MSRB3: variants seen among roughly 807,000 people sequenced by gnomAD.
The protein encoded by MSRB3 is methionine-R-sulfoxide reductase B3.
Under a neutral mutation model 21.0 loss-of-function variants are expected in MSRB3, and 13 were observed. That is an observed-to-expected ratio of 0.62 (90% CI 0.40 to 0.98). The LOEUF is 0.98. MSRB3 is among the 50% of genes least tolerant of loss of function. The pLI, the probability that MSRB3 is intolerant of heterozygous loss-of-function variation, is 0.00. For synonymous variants in MSRB3, 87 were observed against 88.6 expected, an observed-to-expected ratio of 0.98 and a Z score of 0.10; for missense variants, 199 against 230.3, an observed-to-expected ratio of 0.86 and a Z score of 0.88.
chr12:65,404,016 C>T (rs7295395), intron 5 of MSRB3, among the ~76,000 whole-genome samples: 99,459 of 152,092 alleles, frequency 0.65, 32,652 homozygotes, highest in Admixed American at 0.72. Flanking sequence ...GCATTGATCT[C>T]GCTGGAAGCT....
chr12:65,402,601 A>G (rs1294176050), intron 5 of MSRB3, among the ~76,000 whole-genome samples: 3 of 152,176 alleles, frequency 2.0e-5, no homozygotes, highest in African/African-American at 7.2e-5. Context: ...CCACCTTCTG[A>G]AGCCTACTTC....
chr12:65,439,848 A>G (rs1882290397), intron 5 of MSRB3, among the ~76,000 whole-genome samples: 1 of 151,788 alleles, frequency 6.6e-6, no homozygotes, highest in South Asian at 2.1e-4. Context: ...TCAAAAAAAT[A>G]GATTAACTCA....
intron 4 of MSRB3, among the ~76,000 whole-genome samples, chr12:65,331,472 A>G (rs939282851): frequency 2.0e-5 from 3 of 152,140 alleles, no homozygotes; most frequent in Non-Finnish European, 4.4e-5. Flanking sequence ...TTGCCACTAA[A>G]CAGCAGAGAA....
At chr12:65,302,239 G>C (rs1449597244) in intron 1 of MSRB3, among the ~76,000 whole-genome samples, 2 of 152,086 alleles carry the variant, frequency 1.3e-5, no homozygotes, top group Non-Finnish European at 2.9e-5. Flanking sequence ...CCAAAAGTTT[G>C]AGAATGGGTA....
At chr12:65,433,849 C>T (rs1469545259) in intron 5 of MSRB3, among the ~76,000 whole-genome samples, 1 of 151,864 alleles carries the variant, frequency 6.6e-6, no homozygotes, top group African/African-American at 2.4e-5. Context: ...AGAGACGACC[C>T]ATTCCACTTG....
At chr12:65,396,321 C>T (rs762596830) in intron 5 of MSRB3, among the ~76,000 whole-genome samples, 14 of 152,214 alleles carry the variant, frequency 9.2e-5, no homozygotes, top group African/African-American at 1.9e-4. Context: ...GCTATCTTTC[C>T]GTTATTGATT....
At chr12:65,282,676 G>GTTTTTTTTTTTTTTT (rs796149617) in intron 1 of MSRB3, among the ~76,000 whole-genome samples, 5 of 133,770 alleles carry the variant, frequency 3.7e-5, no homozygotes, top group Non-Finnish European at 4.8e-5. Context: ...CTTTGCTGGT[G>GTTTTTTTTTTTTTTT]TTTTTTTTTT....
intron 4 of MSRB3, among the ~76,000 whole-genome samples, chr12:65,352,685 G>A (rs1877097383): frequency 6.6e-6 from 1 of 151,764 alleles, no homozygotes; most frequent in South Asian, 2.1e-4. Flanking sequence ...CAAACAGAGA[G>A]CCAAATTATG....
intron 6 of MSRB3, among the ~76,000 whole-genome samples, chr12:65,456,116 G>T (rs1304104829): frequency 1.3e-5 from 2 of 152,132 alleles, no homozygotes; most frequent in African/African-American, 4.8e-5. Flanking sequence ...AAGTAGGATG[G>T]CTTACATTAA....
intron 5 of MSRB3, among the ~76,000 whole-genome samples, chr12:65,429,317 C>G (rs1415022323): frequency 1.3e-5 from 2 of 152,086 alleles, no homozygotes; most frequent in Non-Finnish European, 2.9e-5. Flanking sequence ...GAGGTGATAT[C>G]TGAGCCAAGG....
intron 4 of MSRB3, among the ~76,000 whole-genome samples, chr12:65,352,033 T>C (rs564960311): frequency 0.09 from 13,615 of 151,552 alleles, 2,127 homozygotes; most frequent in African/African-American, 0.32. Flanking sequence ...TAGACCAATA[T>C]CCTTGATGAA....
At chr12:65,287,354 C>T (rs141452000) in intron 1 of MSRB3, among the ~76,000 whole-genome samples, 4 of 152,192 alleles carry the variant, frequency 2.6e-5, no homozygotes, top group East Asian at 3.9e-4. Context: ...TCTTGAACTC[C>T]TGGACTTAAG....
intron 4 of MSRB3, among the ~76,000 whole-genome samples, chr12:65,340,260 A>G (rs1034160715): frequency 6.6e-6 from 1 of 152,174 alleles, no homozygotes; most frequent in Non-Finnish European, 1.5e-5. Context: ...CACACAAGAA[A>G]GTAGGACTGG....
intron 5 of MSRB3, among the ~76,000 whole-genome samples, chr12:65,414,516 C>G (rs1465483009): frequency 6.6e-6 from 1 of 152,190 alleles, no homozygotes; most frequent in African/African-American, 2.4e-5. Flanking sequence ...GTATTCAGTA[C>G]AGCAACATGC....
At chr12:65,396,027 C>A (rs1338107769) in intron 5 of MSRB3, among the ~76,000 whole-genome samples, 9 of 151,452 alleles carry the variant, frequency 5.9e-5, no homozygotes, top group African/African-American at 1.9e-4. Context: ...AATTTTTTTT[C>A]TTTTCTTTTG....
chr12:65,375,401 T>C (rs1023289313), intron 5 of MSRB3, among the ~76,000 whole-genome samples: 43 of 152,312 alleles, frequency 2.8e-4, no homozygotes, highest in African/African-American at 9.6e-4. Context: ...ATTTCCTTCA[T>C]TGGAGCTTTA....
At chr12:65,352,884 A>G (rs1330117777) in intron 4 of MSRB3, among the ~76,000 whole-genome samples, 2 of 151,742 alleles carry the variant, frequency 1.3e-5, no homozygotes, top group African/African-American at 2.4e-5. Context: ...AAATGGCCAT[A>G]CTGCCCAAGG....
chr12:65,335,490 C>G (rs1448846285), intron 4 of MSRB3, among the ~76,000 whole-genome samples: 1 of 152,204 alleles, frequency 6.6e-6, no homozygotes, highest in Non-Finnish European at 1.5e-5. Context: ...AGCCCTTTCA[C>G]TGAGAAAATT....
intron 5 of MSRB3, among the ~76,000 whole-genome samples, chr12:65,425,730 T>C (rs1409788080): frequency 6.6e-6 from 1 of 152,180 alleles, no homozygotes; most frequent in Non-Finnish European, 1.5e-5. Flanking sequence ...GTAGCTATTA[T>C]TTTTAATAGT....
Sources: gnomAD v4.1 joint callset for allele counts (sites outside exome capture counted in the v4.1 genomes callset) on GRCh38, gnomAD v4.1.1 for gene constraint, MANE v1.5 for transcripts, NCBI Gene and HGNC (gene_info 2026-07-23, HGNC 2026-07-21) for gene names.